Variants in KIF6 observed in about 807,000 individuals in gnomAD.
The protein encoded by KIF6 is kinesin-like protein KIF6.
A neutral mutation model predicts 112.7 loss-of-function variants in KIF6; 106 were observed. That is an observed-to-expected ratio of 0.94 (90% CI 0.80 to 1.11). The LOEUF is 1.11. Among genes scored for constraint, KIF6 ranks in the 50% least tolerant of loss-of-function variants. The pLI, the probability that KIF6 is intolerant of heterozygous loss-of-function variation, is 0.00. For missense variants in KIF6, 929 were observed against 964.0 expected, an observed-to-expected ratio of 0.96 and a Z score of 0.48; for synonymous variants, 339 against 339.9, an observed-to-expected ratio of 1.00 and a Z score of 0.03.
rs142047790 is a variant in KIF6 at position 39,376,480 on chromosome 6, C to T, written c.1861+9142G>A. Among the ~76,000 whole-genome samples the T allele has an allele frequency of 4.3e-3, 653 of 152,352 alleles. 7 individuals are homozygous for T. The highest frequency in any genetic ancestry group is 0.014 in the African/African-American group (573 of 41,580). On this transcript the variant is annotated intron_variant, in intron 16 of 22. Transcript: ENST00000287152. ...ACTGGGCTATCATCTGGTCCAACCA[C>T]GTCATTTTACAGATGTAGAAACCTG...
intron 16 of KIF6, among the ~76,000 whole-genome samples, chr6:39,375,266 T>C (rs1393339228): frequency 6.6e-6 from 1 of 152,134 alleles, no homozygotes; most frequent in African/African-American, 2.4e-5. Context: ...ATAGGAGGAA[T>C]GTTTTTGAGA....
chr6:39,603,851 CTT>C (rs1173024087), intron 6 of KIF6, among the ~76,000 whole-genome samples: 2 of 152,230 alleles, frequency 1.3e-5, no homozygotes, highest in Admixed American at 1.3e-4. Context: ...CTTGCCATAA[CTT>C]ATACCTTTTA....
chr6:39,682,900 T>C (rs1787621881), intron 3 of KIF6, among the ~76,000 whole-genome samples: 2 of 152,170 alleles, frequency 1.3e-5, no homozygotes, highest in South Asian at 4.1e-4. Flanking sequence ...CTAATGCGAT[T>C]GGGAGGTCAG....
intron 17 of KIF6, among the ~76,000 whole-genome samples, chr6:39,362,029 T>C (rs1489702950): frequency 6.6e-6 from 1 of 152,210 alleles, no homozygotes; most frequent in Non-Finnish European, 1.5e-5. Flanking sequence ...TGCCTGTTTA[T>C]GCTTGAGGCT....
At chr6:39,463,982 C>T (rs72850672) in intron 13 of KIF6, among the ~76,000 whole-genome samples, 5,072 of 152,238 alleles carry the variant, frequency 0.033, 131 homozygotes, top group Middle Eastern at 0.071. Context: ...TTTCAAATAT[C>T]CTTGTTTAGT....
intron 13 of KIF6, among the ~76,000 whole-genome samples, chr6:39,454,491 G>A (rs186568319): frequency 4.4e-4 from 57 of 130,912 alleles, no homozygotes; most frequent in African/African-American, 1.1e-3. Flanking sequence ...AAATATAAAC[G>A]AAACTCTTTC....
At chr6:39,404,969 T>C (rs1468850488) in intron 15 of KIF6, among the ~76,000 whole-genome samples, 1 of 150,858 alleles carries the variant, frequency 6.6e-6, no homozygotes, top group Non-Finnish European at 1.5e-5. Context: ...AATATATATA[T>C]GACTATAATA....
chr6:39,608,508 T>G (rs766589784), intron 6 of KIF6, among the ~76,000 whole-genome samples: 1 of 152,218 alleles, frequency 6.6e-6, no homozygotes, highest in African/African-American at 2.4e-5. Context: ...CAGTTTCTAC[T>G]GCATGCATAT....
Position 39,431,138 on chromosome 6 carries a change from C to T in KIF6, c.1669G>A (p.Gly557Arg), listed in dbSNP as rs1280342885. ...AAGATTTCAAAAGCCTCCTGGCATC[C>T]TAATGACATTTCCTCTCTCATTCCT... Reference protein sequence around the residue: ...KIGMREEMSLGCQEAFEIFKR... With the variant: ...KIGMREEMSLRCQEAFEIFKR... The change falls in exon 14 of 23, where the codon GGA becomes AGA. Residue 557 changes from glycine (G) to arginine (R), a missense_variant. Gly to Arg is a moderately radical substitution (Grantham distance 125, BLOSUM62 -2). Transcript: ENST00000287152. The T allele has an allele frequency of 6.2e-7, 1 of 1,610,180 alleles. No individual in the cohort carries two copies.
intron 3 of KIF6, among the ~76,000 whole-genome samples, chr6:39,679,192 C>T (rs1042955251): frequency 1.3e-5 from 2 of 152,204 alleles, no homozygotes; most frequent in African/African-American, 4.8e-5. Context: ...TTAATTGGTA[C>T]TAACTGTACC....
chr6:39,543,794 C>T (rs1462923812), intron 12 of KIF6, among the ~76,000 whole-genome samples: 2 of 152,204 alleles, frequency 1.3e-5, no homozygotes, highest in African/African-American at 4.8e-5. Flanking sequence ...CCCAACCCCA[C>T]AGGGGCTCCA....
chr6:39,683,736 G>A (rs1380609820), intron 3 of KIF6, among the ~76,000 whole-genome samples: 3 of 152,158 alleles, frequency 2.0e-5, no homozygotes, highest in African/African-American at 4.8e-5. Context: ...AAGAACAGCC[G>A]AGTGGGTAAG....
At chr6:39,647,372 C>T (rs1785221504) in intron 3 of KIF6, among the ~76,000 whole-genome samples, 1 of 152,104 alleles carries the variant, frequency 6.6e-6, no homozygotes, top group African/African-American at 2.4e-5. Context: ...CTTCTACAAG[C>T]TCAAGAGGGG....
chr6:39,571,872 C>T (rs1032526832), intron 10 of KIF6, among the ~76,000 whole-genome samples: 4 of 143,652 alleles, frequency 2.8e-5, no homozygotes, highest in Non-Finnish European at 6.1e-5. Flanking sequence ...ACACTCCTTA[C>T]CCCACCCCTC....
intron 3 of KIF6, among the ~76,000 whole-genome samples, chr6:39,712,672 G>T (rs868776059): frequency 7.2e-5 from 11 of 152,114 alleles, no homozygotes; most frequent in African/African-American, 9.7e-5. Flanking sequence ...AGACCAGCCT[G>T]GCCAAGATGG....
intron 18 of KIF6, among the ~76,000 whole-genome samples, chr6:39,358,069 G>A (rs1321784932): frequency 4.6e-5 from 7 of 152,148 alleles, no homozygotes; most frequent in African/African-American, 1.2e-4. Flanking sequence ...GACATCCACC[G>A]AGCACTTTGT....
intron 22 of KIF6, among the ~76,000 whole-genome samples, chr6:39,337,499 G>A (rs1763097936): frequency 1.3e-5 from 2 of 151,812 alleles, no homozygotes. Flanking sequence ...TTTTACTAGA[G>A]ATGGGGTTTC....
chr6:39,494,428 C>T (rs1184522671), intron 13 of KIF6, among the ~76,000 whole-genome samples: 1 of 152,154 alleles, frequency 6.6e-6, no homozygotes, highest in Non-Finnish European at 1.5e-5. Flanking sequence ...AAGGAAAATA[C>T]TGTATTTTAA....
chr6:39,398,789 A>G (rs1768466308), intron 15 of KIF6, among the ~76,000 whole-genome samples: 1 of 152,244 alleles, frequency 6.6e-6, no homozygotes, highest in South Asian at 2.1e-4. Flanking sequence ...ATGCCTAAAA[A>G]GTAATGCTTG....
Sources: gnomAD v4.1 joint callset for allele counts (sites outside exome capture counted in the v4.1 genomes callset) on GRCh38, gnomAD v4.1.1 for gene constraint, MANE v1.5 for transcripts, NCBI Gene and HGNC (gene_info 2026-07-23, HGNC 2026-07-21) for gene names.